Variants in ADAM28 observed in about 807,000 individuals in gnomAD.
ADAM28 encodes ADAM metallopeptidase domain 28, also known as disintegrin and metalloproteinase domain-containing protein 28.
Under a neutral mutation model 101.2 loss-of-function variants are expected in ADAM28, and 105 were observed. That is an observed-to-expected ratio of 1.04 (90% CI 0.89 to 1.22). The LOEUF is 1.22. Among genes scored for constraint, ADAM28 ranks in the 50% most tolerant of loss-of-function variants. ADAM28 has a pLI of 0.00. For synonymous variants in ADAM28, 322 were observed against 310.6 expected, an observed-to-expected ratio of 1.04 and a Z score of -0.39; for missense variants, 1,028 against 945.4, an observed-to-expected ratio of 1.09 and a Z score of -1.15.
At chr8:24,344,321 T>G (rs1475697774) in intron 18 of ADAM28, among the ~76,000 whole-genome samples, 1 of 152,160 alleles carries the variant, frequency 6.6e-6, no homozygotes, top group Non-Finnish European at 1.5e-5. Flanking sequence ...CATCATCTCA[T>G]TGACGCTCCC....
intron 8 of ADAM28, 100 bp from the exon 9 acceptor site, chr8:24,323,734 C>T: frequency 1.7e-6 from 2 of 1,193,008 alleles, no homozygotes; most frequent in Non-Finnish European, 2.3e-6. Context: ...GGTTTTTATA[C>T]TGCTGTGATG....
chr8:24,336,304 C>T (rs1353061780), intron 14 of ADAM28, among the ~76,000 whole-genome samples: 1 of 151,924 alleles, frequency 6.6e-6, no homozygotes, highest in Non-Finnish European at 1.5e-5. Flanking sequence ...ATAACTTTGG[C>T]CAGGTGCGGT....
rs138394403 is a variant in ADAM28 at position 24,308,824 on chromosome 8, G to T, written c.151-1070G>T. 2.9e-3 allele frequency: 1,149 copies of T among 394,292 alleles called. 18 individuals are homozygous for T. Among genetic ancestry groups the T allele is most frequent in the African/African-American group, 0.022 (1,035 of 48,084 alleles). The allele number at this position is 394,292 out of a possible 1,614,324, so 24.4% of individuals were successfully genotyped here. A position where few individuals can be genotyped will look rare whatever the true frequency, so the allele number is the denominator to read the frequency against. Reference sequence around the variant, plus strand: ...GGCTAAATCCCAGCACGGTGCTCATGATCTGATGATTCTAACATGCCTTGT... The same window carrying T: ...GGCTAAATCCCAGCACGGTGCTCATTATCTGATGATTCTAACATGCCTTGT... On this transcript the variant is annotated intron_variant, in intron 2 of 22. Transcript: ENST00000265769.
chr8:24,297,025 C>T (rs550872540), intron 1 of ADAM28, among the ~76,000 whole-genome samples: 10 of 152,172 alleles, frequency 6.6e-5, no homozygotes, highest in Non-Finnish European at 1.5e-4. Flanking sequence ...AAATAAGAGC[C>T]TTTAAGAGAA....
At position 24,321,161 on chromosome 8, in the gene ADAM28, C is replaced by T. The variant is rs570331111; in HGVS notation, c.649-57C>T. 9.1e-6 allele frequency: 10 copies of T among 1,101,092 alleles called. No homozygotes were observed. The African/African-American group carries it at 1.4e-4, about 16-fold the overall frequency. The allele number at this position is 1,101,092 out of a possible 1,614,324, so 68.2% of individuals were successfully genotyped here. On this transcript the variant is annotated intron_variant, in intron 7 of 22. Coordinates refer to ENST00000265769, the MANE Select transcript of ADAM28 (RefSeq NM_014265.6). ...ATATAAGAGAAGATGCCTTTTTAAC[C>T]TTCCAAGTATATTCATTTTTATCAA...
intron 18 of ADAM28, chr8:24,346,846 G>A (rs759640478): frequency 6.6e-6 from 1 of 151,842 alleles, no homozygotes; most frequent in African/African-American, 2.4e-5. Flanking sequence ...AGTTTTCTTT[G>A]TAGTTTTGCT....
chr8:24,313,216 T>C (rs989711579), intron 5 of ADAM28, among the ~76,000 whole-genome samples, 172 bp from the exon 6 acceptor site: 1 of 152,246 alleles, frequency 6.6e-6, no homozygotes. Flanking sequence ...TAAGTTTAGA[T>C]AATCTTCAAG....
chr8:24,297,607 T>C (rs1808142972), intron 1 of ADAM28, among the ~76,000 whole-genome samples: 1 of 152,238 alleles, frequency 6.6e-6, no homozygotes, highest in South Asian at 2.1e-4. Flanking sequence ...TTGAACTCTC[T>C]ATCTTAACAA....
At chr8:24,344,514 G>C (rs74343611) in intron 18 of ADAM28, among the ~76,000 whole-genome samples, 11,498 of 152,114 alleles carry the variant, frequency 0.076, 788 homozygotes, top group African/African-American at 0.18. Context: ...CCCAAATTCA[G>C]ATTGTTAGAC....
chr8:24,308,978 T>A (rs1252184686), intron 2 of ADAM28, among the ~76,000 whole-genome samples: 1 of 152,178 alleles, frequency 6.6e-6, no homozygotes, highest in Non-Finnish European at 1.5e-5. Flanking sequence ...ACCTTTGGTC[T>A]ACCATATTTA....
intron 2 of ADAM28, 48 bp from the exon 3 acceptor site, chr8:24,309,846 A>G: frequency 7.4e-7 from 1 of 1,342,694 alleles, no homozygotes; most frequent in Non-Finnish European, 1.1e-6. Flanking sequence ...TATAATAGTC[A>G]AATGAATATG....
chr8:24,358,100 T>C lies in ADAM28; in HGVS notation c.*3696T>C, dbSNP rs1235933493. 1.0e-4 allele frequency: 1 copy of C among 9,566 alleles called. No individual in the cohort carries two copies. The highest frequency in any genetic ancestry group is 3.5e-4 in the Non-Finnish European group (1 of 2,846). 0.6% of individuals were successfully genotyped at this position (9,566 alleles called of 1,614,324 possible). ...GCTAACCAATTAACTGTTTTTAACT[T>C]ATATTTCCAGATATTTTAAAAATTA... On this transcript the variant is annotated 3_prime_UTR_variant, in exon 23 of 23. Transcript: ENST00000265769.
chr8:24,349,818 ATG>A (rs1431233855), intron 18 of ADAM28, 44 bp from the exon 19 acceptor site: 5 of 1,455,964 alleles, frequency 3.4e-6, no homozygotes, highest in Admixed American at 3.4e-5. Context: ...TGTTGTGCAG[ATG>A]TGTGTTTCTG....
intron 4 of ADAM28, among the ~76,000 whole-genome samples, chr8:24,310,866 G>A (rs1023631385): frequency 2.6e-5 from 4 of 152,148 alleles, no homozygotes; most frequent in African/African-American, 4.8e-5. Flanking sequence ...TGTTAAGAAG[G>A]GCATTTTGCT....
intron 10 of ADAM28, among the ~76,000 whole-genome samples, chr8:24,328,936 G>T (rs1247143590): frequency 6.6e-6 from 1 of 151,364 alleles, no homozygotes. Flanking sequence ...AAAAAAAATG[G>T]ACCTCAAAGG....
At chr8:24,343,697 T>C (rs1815066969) in intron 18 of ADAM28, 113 bp downstream of exon 18, 9 of 911,872 alleles carry the variant, frequency 9.9e-6, no homozygotes, top group South Asian at 6.6e-5. Context: ...ATTTCTGTTC[T>C]GTTGATGTTG....
At position 24,341,659 on chromosome 8, in the gene ADAM28, C is replaced by G. The variant is rs200511993; in HGVS notation, c.1732C>G (p.Arg578Gly). The change falls in exon 16 of 23, where the codon CGG (arginine) becomes GGG (glycine). Residue 578 changes from arginine (R) to glycine (G), a missense_variant. Physicochemically the swap from Arg to Gly is moderately radical, Grantham distance 125. Coordinates refer to ENST00000265769, the MANE Select transcript of ADAM28 (RefSeq NM_014265.6). ...GGSDNLPWKG[R>G]IVTFLTCKTF... ...GTCGGATAATTTGCCCTGGAAAGGA[C>G]GGATAGTGACTTTCCTGACATGTAA... The G allele has an allele frequency of 6.2e-7, 1 of 1,613,720 alleles. No individual in the cohort carries two copies. The highest frequency in any genetic ancestry group is 1.1e-5 in the South Asian group (1 of 91,050).
rs149916992 is a variant in ADAM28 at position 24,311,802 on chromosome 8, G to A, written c.383+365G>A. On this transcript the variant is annotated intron_variant, in intron 5 of 22. Coordinates refer to ENST00000265769, the MANE Select transcript of ADAM28 (RefSeq NM_014265.6). ...TCACCAGGCTGGAGTATAGTGGTGC[G>A]ATTTCAGCTCACTGCAATCTCAGTC... 2.9e-3 allele frequency among the ~76,000 whole-genome samples: 435 copies of A among 152,116 alleles called. 4 individuals are homozygous for A. The highest frequency in any genetic ancestry group is 0.01 in the African/African-American group (423 of 41,498).
chr8:24,310,176 C>A lies in ADAM28; in HGVS notation c.241C>A (p.Pro81Thr), dbSNP rs1251934760. 5 of 1,613,330 alleles carry A rather than the reference C, an allele frequency of 3.1e-6. No homozygotes were observed. In the South Asian group the frequency reaches 4.4e-5, roughly 14 times the overall value. Reference sequence around the variant, plus strand: ...TTCTTTCTCCAGGAACCTCCTTGCACCAGGCTACACGGAAACATATTATAA... The same window carrying A: ...TTCTTTCTCCAGGAACCTCCTTGCAACAGGCTACACGGAAACATATTATAA... The part of the protein sequence containing the change: ...YLKKNKNLLA[P>T]GYTETYYNST... Residue 81 changes from proline (P) to threonine (T), a missense_variant, in exon 4 of 23, where the codon CCA becomes ACA. By Grantham distance (38) the Pro-to-Thr change is conservative. Transcript: ENST00000265769.
Sources: gnomAD v4.1 joint callset for allele counts (sites outside exome capture counted in the v4.1 genomes callset) on GRCh38, gnomAD v4.1.1 for gene constraint, MANE v1.5 for transcripts, NCBI Gene and HGNC (gene_info 2026-07-23, HGNC 2026-07-21) for gene names.